SEC24A: variants seen among roughly 807,000 people sequenced by gnomAD.
The protein encoded by SEC24A is SEC24 homolog A, COPII component.
Under a neutral mutation model 129.4 loss-of-function variants are expected in SEC24A, and 93 were observed. That is an observed-to-expected ratio of 0.72 (90% CI 0.61 to 0.85). The LOEUF is 0.85. Among genes scored for constraint, SEC24A ranks in the 40% least tolerant of loss-of-function variants. SEC24A has a pLI of 0.00. For synonymous variants in SEC24A, 460 were observed against 467.3 expected (o/e 0.98, Z 0.20); for missense variants, 1,264 against 1,307.4 (o/e 0.97, Z 0.51).
intron 18 of SEC24A, among the ~76,000 whole-genome samples, chr5:134,709,938 C>G (rs113682520): frequency 1.3e-5 from 2 of 152,250 alleles, no homozygotes; most frequent in African/African-American, 4.8e-5. Flanking sequence ...CTTGCTCTGT[C>G]ACCCAGGCTG....
chr5:134,701,637 A>G lies in SEC24A; in HGVS notation c.2267-2122A>G, dbSNP rs150086120. ...GTGATTCTCCTGCCTCAGCCTTCCT[A>G]GTAGCTGGGATTACAGGCACGTGCT... On this transcript the variant is annotated intron_variant, in intron 15 of 22. Transcript: ENST00000398844. Among the ~76,000 whole-genome samples the G allele has an allele frequency of 9.2e-3, 1,401 of 151,552 alleles. 16 individuals are homozygous for G. The highest frequency in any genetic ancestry group is 0.032 in the African/African-American group (1,319 of 41,286).
chr5:134,687,713 G>C (rs949408984), intron 10 of SEC24A, among the ~76,000 whole-genome samples: 2 of 152,198 alleles, frequency 1.3e-5, no homozygotes, highest in Non-Finnish European at 2.9e-5. Context: ...GAACAAGAGT[G>C]AAAAACAGTT....
chr5:134,688,258 GTC>G lies in SEC24A; in HGVS notation c.1689_1690del (p.Gln564ThrfsTer10). 1 of 1,610,268 alleles carries G rather than the reference GTC, an allele frequency of 6.2e-7. No individual in the cohort carries two copies. Among genetic ancestry groups the G allele is most frequent in the Non-Finnish European group, 8.5e-7 (1 of 1,176,628 alleles). ...ATCCATTTCTACGGTCTTCAGGAAA[GTC>G]TCTCTCAACCTCAGATGCTAATAGT... On this transcript the variant is annotated frameshift_variant, in exon 11 of 23. Transcript: ENST00000398844. LOFTEE classifies it high-confidence loss of function.
intron 17 of SEC24A, among the ~76,000 whole-genome samples, chr5:134,706,064 T>G (rs966645272): frequency 6.6e-6 from 1 of 152,024 alleles, no homozygotes; most frequent in Non-Finnish European, 1.5e-5. Flanking sequence ...ATTTTTGTAT[T>G]TTTAGTAGAG....
rs566066178 is a variant in SEC24A, at chr5:134,713,956, C to T, written c.2728-1068C>T. 3.2e-4 allele frequency among the ~76,000 whole-genome samples: 48 copies of T among 151,530 alleles called. No individual in the cohort carries two copies. The South Asian group carries it at 5.6e-3, about 18-fold the overall frequency. ...ACTGAGGAGGCTGAGGCAGGAGAAT[C>T]GCTTGAACCTGGGAGGCAGAGGTTG... On this transcript the variant is annotated intron_variant, in intron 18 of 22. Coordinates refer to ENST00000398844, the MANE Select transcript of SEC24A (RefSeq NM_021982.3).
intron 4 of SEC24A, among the ~76,000 whole-genome samples, chr5:134,673,060 T>TTG (rs1392715623): frequency 6.7e-6 from 1 of 149,370 alleles, no homozygotes; most frequent in East Asian, 2.0e-4. Context: ...GATTTTTTTT[T>TTG]TTTTTTTTTT....
intron 3 of SEC24A, 47 bp downstream of exon 3, chr5:134,667,043 G>A (rs776493251): frequency 1.4e-6 from 2 of 1,458,452 alleles, no homozygotes; most frequent in South Asian, 1.4e-5. Context: ...TTTGACTTAG[G>A]GTAGAAAGAT....
At chr5:134,696,756 C>T (rs1357402746) in intron 13 of SEC24A, among the ~76,000 whole-genome samples, 1 of 151,924 alleles carries the variant, frequency 6.6e-6, no homozygotes, top group East Asian at 1.9e-4. Flanking sequence ...CCTCGGCCTC[C>T]CAAAGTGCTG....
chr5:134,699,309 T>G (rs1279360696), intron 15 of SEC24A, among the ~76,000 whole-genome samples: 1 of 151,012 alleles, frequency 6.6e-6, no homozygotes, highest in Admixed American at 6.6e-5. Flanking sequence ...TCCTTTTTTT[T>G]TTTTTGAGAC....
intron 10 of SEC24A, 82 bp downstream of exon 10, chr5:134,686,984 A>T (rs1751476638): frequency 1.3e-6 from 1 of 768,692 alleles, no homozygotes; most frequent in Non-Finnish European, 2.0e-6. Context: ...AAAAAATAAA[A>T]GCTGTATAAT....
rs1375825972 is a variant in SEC24A at position 134,708,854 on chromosome 5, T to C, written c.2693T>C (p.Leu898Pro). The change falls in exon 18 of 23, where the codon CTT becomes CCT. Residue 898 changes from leucine (L) to proline (P), a missense_variant. Transcript: ENST00000398844. ...CTCATGGTTCCTTTTTCTTTGCGGC[T>C]TTTCCCACTTTTTGTGTTGGCTCTC... The part of the protein sequence containing the change: ...PGLMVPFSLR[L>P]FPLFVLALLK... The C allele has an allele frequency of 1.2e-6, 2 of 1,613,418 alleles. No individual in the cohort carries two copies. Among genetic ancestry groups the C allele is most frequent in the Admixed American group, 1.7e-5 (1 of 59,746 alleles).
chr5:134,652,325 A>G (rs776271090), intron 1 of SEC24A, among the ~76,000 whole-genome samples: 26 of 151,562 alleles, frequency 1.7e-4, no homozygotes, highest in Non-Finnish European at 3.1e-4. Flanking sequence ...GTCTTTCTCT[A>G]TTGCCCAGGC....
At chr5:134,705,596 T>C (rs1295954473) in intron 17 of SEC24A, among the ~76,000 whole-genome samples, 159 bp downstream of exon 17, 1 of 152,184 alleles carries the variant, frequency 6.6e-6, no homozygotes, top group African/African-American at 2.4e-5. Context: ...CTGCAGATAA[T>C]CTTATCTTTT....
At chr5:134,680,166 A>G (rs989733498) in intron 8 of SEC24A, among the ~76,000 whole-genome samples, 2 of 152,214 alleles carry the variant, frequency 1.3e-5, no homozygotes, top group African/African-American at 4.8e-5. Context: ...TAGTTTTCTC[A>G]GTAATTGAGG....
In SEC24A at chr5:134,716,325, C is replaced by T. The variant is rs1580740318; in HGVS notation, c.2865+1164C>T. 3.3e-5 allele frequency among the ~76,000 whole-genome samples: 5 copies of T among 151,854 alleles called. No homozygotes were observed. The South Asian group carries it at 8.3e-4, about 25-fold the overall frequency. On this transcript the variant is annotated intron_variant, in intron 19 of 22. Coordinates refer to ENST00000398844, the MANE Select transcript of SEC24A (RefSeq NM_021982.3). ...AAAATACGAAAAACAAAAAAATTGG[C>T]CAGCTCTGGTGGCGGGTGCCTGTAA...
chr5:134,660,326 A>T lies in SEC24A; in HGVS notation c.98-793A>T, dbSNP rs1750408659. On this transcript the variant is annotated intron_variant, in intron 1 of 22. Coordinates refer to ENST00000398844, the MANE Select transcript of SEC24A (RefSeq NM_021982.3). ...AGCTACAGTGAGCCATGATTGTGCC[A>T]CTGTACTCCAGCTTGGATGACAGAG... Among the ~76,000 whole-genome samples the T allele has an allele frequency of 3.9e-5, 6 of 152,022 alleles. No homozygotes were observed. The Admixed American group carries it at 3.9e-4, about 10-fold the overall frequency.
chr5:134,686,448 G>A (rs1438754466), intron 9 of SEC24A, among the ~76,000 whole-genome samples: 4 of 152,072 alleles, frequency 2.6e-5, no homozygotes, highest in East Asian at 1.9e-4. Context: ...TGTTGGTCAC[G>A]CTGGTCTCGA....
At chr5:134,667,124 C>A (rs1178999732) in intron 3 of SEC24A, 128 bp downstream of exon 3, 16 of 722,104 alleles carry the variant, frequency 2.2e-5, no homozygotes, top group Non-Finnish European at 3.4e-5. Flanking sequence ...TAGGGATGGG[C>A]TACAGGAATT....
chr5:134,724,786 C>T (rs1372389417), intron 22 of SEC24A, among the ~76,000 whole-genome samples, 194 bp from the exon 23 acceptor site: 1 of 152,162 alleles, frequency 6.6e-6, no homozygotes, highest in African/African-American at 2.4e-5. Flanking sequence ...AACTATTTCT[C>T]TTAATTCCAC....
Sources: allele counts gnomAD v4.1 joint callset (sites outside exome capture counted in the v4.1 genomes callset), GRCh38; gene constraint gnomAD v4.1.1; transcripts MANE v1.5; gene names NCBI Gene and HGNC (gene_info 2026-07-23, HGNC 2026-07-21).